The following KLK9 variants were observed in gnomAD, a reference collection of about 807,000 sequenced individuals.
KLK9 encodes kallikrein related peptidase 9, also known as kallikrein-9.
A neutral mutation model predicts 23.3 loss-of-function variants in KLK9; 26 were observed. The observed-to-expected ratio is 1.12, with a 90% CI of 0.82 to 1.55. KLK9 has a LOEUF of 1.55. KLK9 is among the 40% of genes most tolerant of loss of function. KLK9 has a pLI of 0.00. For missense variants in KLK9, 346 were observed against 333.7 expected (o/e 1.04, Z -0.29); for synonymous variants, 122 against 128.5 (o/e 0.95, Z 0.34).
chr19:51,004,717 A>AAAT (rs1441246157), intron 3 of KLK9, among the ~76,000 whole-genome samples: 2 of 151,804 alleles, frequency 1.3e-5, no homozygotes, highest in Non-Finnish European at 2.9e-5. Flanking sequence ...AAAAAAAAAA[A>AAAT]AAGAAATAGA....
chr19:51,004,914 G>A (rs935043549), intron 3 of KLK9, among the ~76,000 whole-genome samples: 6 of 152,098 alleles, frequency 3.9e-5, no homozygotes, highest in African/African-American at 1.2e-4. Flanking sequence ...TGCAGGCTCC[G>A]ATGCATCAAG....
At position 51,003,816 on chromosome 19, in the gene KLK9, C is replaced by G. The variant is rs756953959; in HGVS notation, c.491G>C (p.Cys164Ser). Residue 164 changes from cysteine to serine, a missense_variant, in exon 4 of 5, where the codon TGT (cysteine) becomes TCT (serine). Physicochemically the swap from Cys to Ser is moderately radical, Grantham distance 112. Coordinates refer to ENST00000594211, the MANE Select transcript of KLK9 (RefSeq NM_012315.2). Reference sequence around the variant, plus strand: ...GTTCTCCAGGATGCTGATGTTGGCACACTGCAGTGTGACTGGAAACAGCGC... The same window carrying G: ...GTTCTCCAGGATGCTGATGTTGGCAGACTGCAGTGTGACTGGAAACAGCGC... The part of the protein sequence containing the change: ...PKALFPVTLQ[C>S]ANISILENKL... 6.2e-7 allele frequency: 1 copy of G among 1,614,058 alleles called. No individual in the cohort carries two copies. Among genetic ancestry groups the G allele is most frequent in the Non-Finnish European group, 8.5e-7 (1 of 1,179,930 alleles).
At chr19:51,003,294 G>T (rs1185848462) in intron 4 of KLK9, 34 bp from the exon 5 acceptor site, 8 of 1,596,734 alleles carry the variant, frequency 5.0e-6, no homozygotes, top group African/African-American at 1.3e-5. Flanking sequence ...GAACTGTTAG[G>T]CCACTCTGTT....
chr19:51,006,381 GA>G lies in KLK9; in HGVS notation c.466+76del. 1 of 1,336,560 alleles carries G rather than the reference GA, an allele frequency of 7.5e-7. No homozygotes were observed. The highest frequency in any genetic ancestry group is 1.0e-6 in the Non-Finnish European group (1 of 989,804). 82.8% of individuals were successfully genotyped at this position (1,336,560 alleles called of 1,614,324 possible). A position where few individuals can be genotyped will look rare whatever the true frequency, so the allele number is the denominator to read the frequency against. On this transcript the variant is annotated intron_variant, in intron 3 of 4. Transcript: ENST00000594211. The surrounding 1 kb of genome is among the most constrained non-coding windows in gnomAD (Gnocchi z 4.1). The stretch of plus-strand genomic sequence containing the variant: ...CAGAGAGAGAGAGGAGAGAGAAAAG[GA>G]GAAGACAGAGATGAAAAGGCAGAGA...
At position 51,006,457 on chromosome 19, in the gene KLK9, C is replaced by A; in HGVS notation, c.466+1G>T. On this transcript the variant is annotated splice_donor_variant, in intron 3 of 4. Coordinates refer to ENST00000594211, the MANE Select transcript of KLK9 (RefSeq NM_012315.2). LOFTEE classifies it high-confidence loss of function. This position sits in a 1 kb window ranked among gnomAD's most constrained non-coding sequence, Gnocchi z 4.1. ...AGAGAGAGTTCTGGGCCAGGTCATA[C>A]CCTTGGGGCTGGACACGGCCCCCCA... 2 of 1,608,230 alleles carry A rather than the reference C, an allele frequency of 1.2e-6. No individual in the cohort carries two copies. The highest frequency in any genetic ancestry group is 2.7e-5 in the African/African-American group (2 of 74,910).
At chr19:51,003,877 T>C (rs759937857) in intron 3 of KLK9, 37 bp from the exon 4 acceptor site, 3 of 1,600,474 alleles carry the variant, frequency 1.9e-6, no homozygotes, top group Non-Finnish European at 1.7e-6. Flanking sequence ...TCTGCAACTG[T>C]CTCCAACACA....
chr19:51,007,663 T>G (rs933250302), intron 2 of KLK9, among the ~76,000 whole-genome samples: 1 of 151,736 alleles, frequency 6.6e-6, no homozygotes, highest in African/African-American at 2.4e-5. Flanking sequence ...TTAAAGGAGG[T>G]TCCATCATGG....
chr19:51,003,334 T>C, intron 4 of KLK9, 74 bp from the exon 5 acceptor site: 1 of 1,468,498 alleles, frequency 6.8e-7, no homozygotes, highest in Non-Finnish European at 9.2e-7. Context: ...ACTTCCTCCC[T>C]CCCAGAAAGG....
Position 51,006,383 on chromosome 19 carries a change from G to A in KLK9, c.466+75C>T, listed in dbSNP as rs113780856. On this transcript the variant is annotated intron_variant, in intron 3 of 4. Coordinates refer to ENST00000594211, the MANE Select transcript of KLK9 (RefSeq NM_012315.2). This position sits in a 1 kb window ranked among gnomAD's most constrained non-coding sequence, Gnocchi z 4.1. ...GAGAGAGAGAGGAGAGAGAAAAGGAGAAGACAGAGATGAAAAGGCAGAGAC... is the reference window on the plus strand; with the variant it reads ...GAGAGAGAGAGGAGAGAGAAAAGGAAAAGACAGAGATGAAAAGGCAGAGAC... The A allele has an allele frequency of 4.4e-3, 5,973 of 1,352,072 alleles. 209 individuals carry two copies. The African/African-American group carries it at 0.074, about 17-fold the overall frequency. 83.8% of individuals were successfully genotyped at this position (1,352,072 alleles called of 1,614,324 possible).
At position 51,009,126 on chromosome 19, in the gene KLK9, C is replaced by A; in HGVS notation, c.200+57G>T. ...ACTTCTGGCCTAAAGCACCCCTCACCCTCTCCTGACCCCCAGCCTCTGTCC... is the reference window on the plus strand; with the variant it reads ...ACTTCTGGCCTAAAGCACCCCTCACACTCTCCTGACCCCCAGCCTCTGTCC... On this transcript the variant is annotated intron_variant, in intron 2 of 4. Transcript: ENST00000594211. The surrounding 1 kb of genome is among the most constrained non-coding windows in gnomAD (Gnocchi z 4.8). 1 of 1,554,936 alleles carries A rather than the reference C, an allele frequency of 6.4e-7. No homozygotes were observed. Among genetic ancestry groups the A allele is most frequent in the Non-Finnish European group, 8.7e-7 (1 of 1,155,028 alleles).
intron 2 of KLK9, among the ~76,000 whole-genome samples, chr19:51,007,168 G>A (rs747016081): frequency 7.9e-5 from 12 of 151,898 alleles, no homozygotes; most frequent in South Asian, 2.1e-4. Flanking sequence ...GTGTGTATAC[G>A]TGTGCGTGTG....
At position 51,009,145 on chromosome 19, in the gene KLK9, T is replaced by C; in HGVS notation, c.200+38A>G. The C allele has an allele frequency of 2.5e-6, 4 of 1,587,276 alleles. No individual in the cohort carries two copies. The highest frequency in any genetic ancestry group is 3.4e-6 in the Non-Finnish European group (4 of 1,170,622). ...CCTCACCCTCTCCTGACCCCCAGCC[T>C]CTGTCCCTCCCCAGCATGGCCAGCC... On this transcript the variant is annotated intron_variant, in intron 2 of 4. Transcript: ENST00000594211. The surrounding 1 kb of genome is among the most constrained non-coding windows in gnomAD (Gnocchi z 4.8).
chr19:51,002,914 C>T lies in KLK9; in HGVS notation c.*197G>A, dbSNP rs2091239063. 4.8e-6 allele frequency: 3 copies of T among 626,802 alleles called. No homozygotes were observed. Among genetic ancestry groups the T allele is most frequent in the African/African-American group, 3.7e-5 (2 of 54,284 alleles). The allele number at this position is 626,802 out of a possible 1,614,324, so 38.8% of individuals were successfully genotyped here. On this transcript the variant is annotated 3_prime_UTR_variant, in exon 5 of 5. Transcript: ENST00000594211. ...TGAAGGGCGTGTCCCTGCTCCGTTC[C>T]GAGGGGGCGCGACTGTGTCTTGCTT...
chr19:51,005,954 A>T (rs1044595953), intron 3 of KLK9, among the ~76,000 whole-genome samples: 1 of 149,010 alleles, frequency 6.7e-6, no homozygotes, highest in Non-Finnish European at 1.5e-5. Context: ...TAATAATAAT[A>T]AATAATAAAA....
intron 2 of KLK9, among the ~76,000 whole-genome samples, chr19:51,007,273 T>C (rs1317025018): frequency 6.6e-6 from 1 of 151,942 alleles, no homozygotes; most frequent in Non-Finnish European, 1.5e-5. Flanking sequence ...CTTCAATGCA[T>C]GTCTTCCTGG....
At chr19:51,003,329 C>T (rs2122353568) in intron 4 of KLK9, 69 bp from the exon 5 acceptor site, 1 of 1,496,818 alleles carries the variant, frequency 6.7e-7, no homozygotes, top group Non-Finnish European at 9.0e-7. Context: ...GGGCCACTTC[C>T]TCCCTCCCAG....
chr19:51,003,676 C>T (rs765559381), intron 4 of KLK9, 28 bp downstream of exon 4: 3 of 1,593,396 alleles, frequency 1.9e-6, no homozygotes, highest in Admixed American at 1.7e-5. Context: ...GGCAGGACAG[C>T]CTCATTTTCC....
intron 3 of KLK9, among the ~76,000 whole-genome samples, chr19:51,005,220 C>T (rs1042858922): frequency 2.0e-5 from 3 of 152,140 alleles, no homozygotes; most frequent in Non-Finnish European, 4.4e-5. Flanking sequence ...GTCAGTGATC[C>T]GTGACTCTGA....
chr19:51,009,506 T>C lies in KLK9; in HGVS notation c.42A>G (p.Ala14=). 1 of 1,610,204 alleles carries C rather than the reference T, an allele frequency of 6.2e-7. No homozygotes were observed. Among genetic ancestry groups the C allele is most frequent in the Non-Finnish European group, 8.5e-7 (1 of 1,178,384 alleles). The change falls in exon 1 of 5, where the codon GCA becomes GCG. Residue 14 remains alanine, a splice_region_variant and synonymous_variant. Coordinates refer to ENST00000594211, the MANE Select transcript of KLK9 (RefSeq NM_012315.2). This position sits in a 1 kb window ranked among gnomAD's most constrained non-coding sequence, Gnocchi z 4.8. ...GLLCALLSLL[A]GHGWADTRAI... ...GGGCAGCCAGCCTGGGAGCCTCACC[T>C]GCCAGCAGAGAGAGCAGAGCACAGA...
Sources: gnomAD v4.1 joint callset for allele counts (sites outside exome capture counted in the v4.1 genomes callset) on GRCh38, gnomAD v4.1.1 for gene constraint, Gnocchi (gnomAD v3.1) non-coding constraint, MANE v1.5 for transcripts, NCBI Gene and HGNC (gene_info 2026-07-23, HGNC 2026-07-21) for gene names.